The following NHLH2 variants were observed in gnomAD, a reference collection of about 807,000 sequenced individuals.
The protein encoded by NHLH2 is nescient helix-loop-helix 2, also known as helix-loop-helix protein 2.
A neutral mutation model predicts 7.3 loss-of-function variants in NHLH2; 7 were observed. The ratio of observed to expected loss-of-function variants is 0.96; its 90% CI spans 0.55 to 1.81. The LOEUF (loss-of-function observed/expected upper bound fraction) is 1.81. Ranked by LOEUF, NHLH2 falls within the 40% of genes most tolerant of loss-of-function variation. The probability of loss-of-function intolerance (pLI) is 0.00; values close to 1 mark genes in which losing one functional copy is unlikely to be tolerated. For synonymous variants in NHLH2, 93 were observed against 91.6 expected, an observed-to-expected ratio of 1.01 and a Z score of -0.09; for missense variants, 155 against 194.0, an observed-to-expected ratio of 0.80 and a Z score of 1.19.
chr1:115,837,200 A>C lies in NHLH2; in HGVS notation c.*765T>G, dbSNP rs1451012454. 1 of 152,622 alleles carries C rather than the reference A, an allele frequency of 6.6e-6. No individual in the cohort carries two copies. Among genetic ancestry groups the C allele is most frequent in the Non-Finnish European group, 1.5e-5 (1 of 68,042 alleles). 9.5% of individuals were successfully genotyped at this position (152,622 alleles called of 1,614,324 possible). ...TATGGGTCCACATGTTTAAGGTCAC[A>C]AATAGATGTTTTTGGATATATAAAG... On this transcript the variant is annotated 3_prime_UTR_variant, in exon 3 of 3. Transcript: ENST00000320238.
In NHLH2 at chr1:115,837,446, T is replaced by C. The variant is rs1053830239; in HGVS notation, c.*519A>G. 1.3e-5 allele frequency: 2 copies of C among 153,300 alleles called. No individual in the cohort carries two copies. Among genetic ancestry groups the C allele is most frequent in the African/African-American group, 4.8e-5 (2 of 41,468 alleles). The allele number at this position is 153,300 out of a possible 1,614,324, so 9.5% of individuals were successfully genotyped here. A position where few individuals can be genotyped will look rare whatever the true frequency, so the allele number is the denominator to read the frequency against. On this transcript the variant is annotated 3_prime_UTR_variant, in exon 3 of 3. Coordinates refer to ENST00000320238, the MANE Select transcript of NHLH2 (RefSeq NM_005599.3). ...TTATTTTCACAACAGAAAGGAAAGT[T>C]TCCAGTCGCACCTTTCTGTGCCTTC...
chr1:115,831,909 A>G (rs1465969609), downstream of NHLH2, among the ~76,000 whole-genome samples: 4 of 144,214 alleles, frequency 2.8e-5, no homozygotes, highest in African/African-American at 1.0e-4. Context: ...TGGGCCACAG[A>G]GCGAGACTTG....
In NHLH2 at chr1:115,841,026, A is replaced by C. The variant is rs1651063585; in HGVS notation, c.-416T>G. ...GTGAAAAGTGAACGTCTCCTGGAGT[A>C]ACAGTGACAAGGAAGCAGAGAAAGA... On this transcript the variant is annotated 5_prime_UTR_variant, in exon 1 of 3. Transcript: ENST00000320238. 1 of 167,160 alleles carries C rather than the reference A, an allele frequency of 6.0e-6. No homozygotes were observed. Among genetic ancestry groups the C allele is most frequent in the Non-Finnish European group, 1.5e-5 (1 of 68,192 alleles). The allele number at this position is 167,160 out of a possible 1,614,324, so 10.4% of individuals were successfully genotyped here.
At chr1:115,832,826 G>A (rs530524478), downstream of NHLH2, among the ~76,000 whole-genome samples, 1 of 152,190 alleles carries the variant, frequency 6.6e-6, no homozygotes, top group Non-Finnish European at 1.5e-5. Context: ...TCTGAGTTGG[G>A]TCACAGTGGA....
chr1:115,838,968 C>T (rs1023020195), intron 2 of NHLH2: 3 of 167,162 alleles, frequency 1.8e-5, no homozygotes, highest in African/African-American at 7.2e-5. Context: ...AATCCCCATC[C>T]TGGAGCGCAG....
rs1357534860 is a variant in NHLH2, at chr1:115,840,442, G to C, written c.-235C>G. ...TTAGTTGATAGATTTTTTAAAAAAC[G>C]CTTTTTCCTTTTAATTGTTCTCAAA... On this transcript the variant is annotated 5_prime_UTR_variant, in exon 2 of 3. Coordinates refer to ENST00000320238, the MANE Select transcript of NHLH2 (RefSeq NM_005599.3). 1.2e-5 allele frequency: 2 copies of C among 166,792 alleles called. No homozygotes were observed. Among genetic ancestry groups the C allele is most frequent in the Non-Finnish European group, 2.9e-5 (2 of 68,106 alleles). The allele number at this position is 166,792 out of a possible 1,614,324, so 10.3% of individuals were successfully genotyped here. A position where few individuals can be genotyped will look rare whatever the true frequency, so the allele number is the denominator to read the frequency against.
At position 115,838,099 on chromosome 1, in the gene NHLH2, C is replaced by T. The variant is rs199738358; in HGVS notation, c.274G>A (p.Ala92Thr). 6.2e-6 allele frequency: 10 copies of T among 1,607,762 alleles called. No individual in the cohort carries two copies. The highest frequency in any genetic ancestry group is 5.1e-6 in the Non-Finnish European group (6 of 1,177,706). ...HATRERIRVEAFNLAFAELRK... is the reference protein window; with the variant it reads ...HATRERIRVETFNLAFAELRK... ...AGCTCGGCGAAGGCCAAGTTGAAGG[C>T]TTCCACGCGGATGCGCTCGCGGGTG... is the stretch of plus-strand genomic sequence containing the variant. Residue 92 changes from alanine (A) to threonine (T), a missense_variant, in exon 3 of 3, where the codon GCC becomes ACC. Transcript: ENST00000320238.
In NHLH2 at chr1:115,837,923, C is replaced by A; in HGVS notation, c.*42G>T. The A allele has an allele frequency of 6.4e-7, 1 of 1,570,716 alleles. No individual in the cohort carries two copies. The highest frequency in any genetic ancestry group is 8.6e-7 in the Non-Finnish European group (1 of 1,160,852). On this transcript the variant is annotated 3_prime_UTR_variant, in exon 3 of 3. Coordinates refer to ENST00000320238, the MANE Select transcript of NHLH2 (RefSeq NM_005599.3). ...GCGCCCGTCCGGATCCGTAGCGTTT[C>A]GCGGACGCCGGGACAGGCGGCCCCC...
chr1:115,838,998 G>A (rs1557830403), intron 2 of NHLH2: 1 of 167,168 alleles, frequency 6.0e-6, no homozygotes, highest in Non-Finnish European at 1.5e-5. Flanking sequence ...CAGTGGCTGG[G>A]GGCGGGAAGG....
rs1430247281 is a variant in NHLH2 at position 115,838,190 on chromosome 1, C to T, written c.183G>A (p.Gln61=). 6.4e-7 allele frequency: 1 copy of T among 1,571,884 alleles called. No individual in the cohort carries two copies. The highest frequency in any genetic ancestry group is 2.4e-5 in the East Asian group (1 of 42,520). The part of the protein sequence containing the change: ...GSRAALYPHP[Q]QLSREEKRRR... ...GGCGCTTCTCCTCGCGGCTCAGCTG[C>T]TGCGGGTGCGGGTAGAGCGCGGCTC... Residue 61 remains glutamine (Q), a synonymous_variant, in exon 3 of 3, where the codon CAG becomes CAA. Coordinates refer to ENST00000320238, the MANE Select transcript of NHLH2 (RefSeq NM_005599.3).
chr1:115,834,088 C>T (rs1557828166), downstream of NHLH2, among the ~76,000 whole-genome samples: 2 of 152,236 alleles, frequency 1.3e-5, no homozygotes, highest in Non-Finnish European at 2.9e-5. Flanking sequence ...TTCCTCCTTA[C>T]CCATTCCTCT....
downstream of NHLH2, among the ~76,000 whole-genome samples, chr1:115,833,571 T>G (rs1161589287): frequency 6.6e-6 from 1 of 152,200 alleles, no homozygotes; most frequent in Non-Finnish European, 1.5e-5. Flanking sequence ...GATAAACTGA[T>G]AAACATGGCT....
chr1:115,838,012 G>A lies in NHLH2; in HGVS notation c.361C>T (p.Leu121=), dbSNP rs1466417013. 14 of 1,610,536 alleles carry A rather than the reference G, an allele frequency of 8.7e-6. No individual in the cohort carries two copies. Among genetic ancestry groups the A allele is most frequent in the Non-Finnish European group, 1.0e-5 (12 of 1,178,654 alleles). The change falls in exon 3 of 3, where the codon CTG becomes TTG. Residue 121 remains leucine, a synonymous_variant. Transcript: ENST00000320238. ...KKLSKIEILR[L]AICYISYLNH... is the part of the protein sequence containing the mutation. ...AGATAGGAGATGTAGCAGATGGCCA[G>A]GCGCAGGATCTCGATCTTGGAGAGC...
intron 2 of NHLH2, 147 bp from the exon 3 acceptor site, chr1:115,838,527 G>A (rs916071865): frequency 7.5e-5 from 64 of 850,180 alleles, no homozygotes; most frequent in South Asian, 1.7e-5. Context: ...GACGCGGGAG[G>A]GCGCCGATAG....
At chr1:115,838,418 CAG>C in intron 2 of NHLH2, 38 bp from the exon 3 acceptor site, 2 of 1,596,832 alleles carry the variant, frequency 1.3e-6, no homozygotes, top group East Asian at 4.6e-5. Flanking sequence ...TAAAAGGAAT[CAG>C]GGTATTTTGC....
Position 115,838,320 on chromosome 1 carries a change from T to A in NHLH2, c.53A>T (p.His18Leu). 1 of 1,609,390 alleles carries A rather than the reference T, an allele frequency of 6.2e-7. No homozygotes were observed. Among genetic ancestry groups the A allele is most frequent in the Non-Finnish European group, 8.5e-7 (1 of 1,179,356 alleles). ...AADSDHPSSA[H>L]SDPESLGGTD... The stretch of plus-strand genomic sequence containing the variant: ...GCCGCCCAGGGACTCCGGATCCGAG[T>A]GCGCCGAGCTGGGATGGTCCGAATC... The change falls in exon 3 of 3, where the codon CAC becomes CTC. Residue 18 changes from histidine (H) to leucine (L), a missense_variant. This residue lies in a region of NHLH2 where 91 missense variants were observed against 86.6 expected (regional missense o/e 1.05). Coordinates refer to ENST00000320238, the MANE Select transcript of NHLH2 (RefSeq NM_005599.3).
At chr1:115,834,611 C>G (rs969136299), downstream of NHLH2, among the ~76,000 whole-genome samples, 8 of 152,176 alleles carry the variant, frequency 5.3e-5, no homozygotes, top group African/African-American at 1.7e-4. Flanking sequence ...CAATGTATTT[C>G]CTCAGAGAGG....
At chr1:115,832,123 A>G (rs1268363730), downstream of NHLH2, among the ~76,000 whole-genome samples, 2 of 152,254 alleles carry the variant, frequency 1.3e-5, no homozygotes, top group Middle Eastern at 3.4e-3. Context: ...CCAGTCTGCT[A>G]TAGTGCTTAT....
At chr1:115,835,407 A>G (rs1260038195), downstream of NHLH2, among the ~76,000 whole-genome samples, 2 of 152,224 alleles carry the variant, frequency 1.3e-5, no homozygotes, top group Non-Finnish European at 2.9e-5. Flanking sequence ...TGTGTTTTGC[A>G]GGTCACAGAG....
Sources: gnomAD v4.1 joint callset for allele counts (sites outside exome capture counted in the v4.1 genomes callset) on GRCh38, gnomAD v4.1.1 for gene constraint, gnomAD v4.1.1 regional missense constraint, MANE v1.5 for transcripts, NCBI Gene and HGNC (gene_info 2026-07-23, HGNC 2026-07-21) for gene names.